SCFD1: variants seen among roughly 807,000 people sequenced by gnomAD.
SCFD1 encodes the protein sec1 family domain-containing protein 1.
SCFD1 carries 37 observed loss-of-function variants against 103.2 expected under a neutral mutation model. That is an observed-to-expected ratio of 0.36 (90% CI 0.28 to 0.47). SCFD1 has a LOEUF of 0.47. Among genes scored for constraint, SCFD1 ranks in the 20% least tolerant of loss-of-function variants. The pLI, the probability that SCFD1 is intolerant of heterozygous loss-of-function variation, is 1.00. For missense variants in SCFD1, 639 were observed against 761.2 expected (o/e 0.84, Z 1.89); for synonymous variants, 264 against 245.0 (o/e 1.08, Z -0.73).
intron 19 of SCFD1, chr14:30,715,568 C>CAA (rs36045306): frequency 3.4e-3 from 343 of 99,614 alleles, no homozygotes; most frequent in East Asian, 9.6e-3. Flanking sequence ...GTCTCCATGT[C>CAA]AAAAAAAAAA....
chr14:30,723,408 TTTTTAAC>T (rs1264390629), intron 23 of SCFD1, among the ~76,000 whole-genome samples: 3 of 152,176 alleles, frequency 2.0e-5, no homozygotes, highest in African/African-American at 7.2e-5. Flanking sequence ...TATTTTTATT[TTTTTAAC>T]TTTTAAGTTC....
chr14:30,660,176 T>A (rs980540707), intron 10 of SCFD1, among the ~76,000 whole-genome samples: 13 of 152,162 alleles, frequency 8.5e-5, no homozygotes, highest in African/African-American at 3.1e-4. Context: ...TCTCAGTTCC[T>A]CCCTCCTCAC....
chr14:30,625,895 G>C (rs1050246871), intron 1 of SCFD1, among the ~76,000 whole-genome samples: 1 of 152,074 alleles, frequency 6.6e-6, no homozygotes, highest in African/African-American at 2.4e-5. Context: ...GCCTAACTGT[G>C]CAGCATACTA....
intron 23 of SCFD1, among the ~76,000 whole-genome samples, chr14:30,727,447 AAGATG>A (rs1049252297): frequency 2.6e-4 from 40 of 152,338 alleles, no homozygotes; most frequent in African/African-American, 9.4e-4. Flanking sequence ...GTTTATCCTC[AAGATG>A]TTGTTATTAG....
intron 23 of SCFD1, among the ~76,000 whole-genome samples, chr14:30,729,173 A>AT (rs1374604874): frequency 6.6e-6 from 1 of 151,952 alleles, no homozygotes; most frequent in African/African-American, 2.4e-5. Context: ...TGATTTCCAG[A>AT]TTTTTTCCCC....
chr14:30,734,416 TAAAG>T (rs1893692915), intron 23 of SCFD1: 1 of 233,160 alleles, frequency 4.3e-6, no homozygotes, highest in African/African-American at 2.2e-5. Context: ...ACTTTCAGCA[TAAAG>T]AAACTCGAAT....
At chr14:30,661,296 A>G (rs1259023120) in intron 10 of SCFD1, among the ~76,000 whole-genome samples, 1 of 152,208 alleles carries the variant, frequency 6.6e-6, no homozygotes, top group Non-Finnish European at 1.5e-5. Flanking sequence ...TGTGAACCAA[A>G]GAAACCAGAT....
intron 15 of SCFD1, 71 bp from the exon 16 acceptor site, chr14:30,700,117 A>T: frequency 9.5e-7 from 1 of 1,054,912 alleles, no homozygotes; most frequent in South Asian, 1.4e-5. Context: ...AATGTAACAT[A>T]CTTGTGTTGA....
intron 10 of SCFD1, among the ~76,000 whole-genome samples, chr14:30,662,831 GA>G (rs746553206): frequency 3.9e-5 from 6 of 152,120 alleles, no homozygotes; most frequent in Admixed American, 6.5e-5. Flanking sequence ...CAAGACTGCT[GA>G]AGGCTTCTAC....
intron 4 of SCFD1, among the ~76,000 whole-genome samples, chr14:30,636,112 G>A (rs1406187901): frequency 2.6e-5 from 4 of 151,954 alleles, no homozygotes; most frequent in Non-Finnish European, 5.9e-5. Flanking sequence ...TTATTGTTGA[G>A]TTGATAGAAT....
chr14:30,648,705 C>A (rs867829757), intron 7 of SCFD1, among the ~76,000 whole-genome samples: 28 of 152,284 alleles, frequency 1.8e-4, no homozygotes, highest in African/African-American at 6.5e-4. Context: ...TGAGCTCAGA[C>A]CAGCCTGGAC....
At chr14:30,661,263 GT>G (rs1887425608) in intron 10 of SCFD1, among the ~76,000 whole-genome samples, 1 of 152,102 alleles carries the variant, frequency 6.6e-6, no homozygotes, top group Non-Finnish European at 1.5e-5. Context: ...CTCTACTCGA[GT>G]TTCGTTTGAG....
chr14:30,707,523 G>A (rs1453394645), intron 18 of SCFD1, among the ~76,000 whole-genome samples: 2 of 152,104 alleles, frequency 1.3e-5, no homozygotes, highest in Admixed American at 1.3e-4. Context: ...AGAGAACACA[G>A]TAATGTTTGA....
Position 30,727,094 on chromosome 14 carries a change from T to TAG in SCFD1, c.1836+4535_1836+4536insAG, listed in dbSNP as rs537757545. On this transcript the variant is annotated intron_variant, in intron 23 of 24. Transcript: ENST00000458591. The stretch of plus-strand genomic sequence containing the variant: ...CTCAGCAAAAGATCAGGGCTATAAG[T>TAG]GTGTAAGCCCACCTAGTTATCCTTT... 5.5e-4 allele frequency among the ~76,000 whole-genome samples: 83 copies of TAG among 152,236 alleles called. 1 individual carries two copies. In the East Asian group the frequency reaches 0.016, roughly 29 times the overall value.
At position 30,708,077 on chromosome 14, in the gene SCFD1, T is replaced by C. The variant is rs748859720; in HGVS notation, c.1629+12T>C. 6.8e-5 allele frequency: 106 copies of C among 1,562,274 alleles called. No individual in the cohort carries two copies. The highest frequency in any genetic ancestry group is 9.2e-5 in the Non-Finnish European group (104 of 1,133,000). On this transcript the variant is annotated intron_variant, in intron 19 of 24. Coordinates refer to ENST00000458591, the MANE Select transcript of SCFD1 (RefSeq NM_016106.4). ...TTTTGAAACAGCAAGTAAGTACACT[T>C]GTTAGAAAACATACTGGTAACTTTT...
intron 20 of SCFD1, among the ~76,000 whole-genome samples, chr14:30,718,984 T>G (rs1892468914): frequency 6.6e-6 from 1 of 152,200 alleles, no homozygotes; most frequent in African/African-American, 2.4e-5. Context: ...ATTAAGAACT[T>G]GGGCATTGAA....
chr14:30,633,540 C>T (rs1453393148), intron 3 of SCFD1, among the ~76,000 whole-genome samples: 3 of 151,806 alleles, frequency 2.0e-5, no homozygotes, highest in East Asian at 3.9e-4. Flanking sequence ...TTCATTGCGT[C>T]CCCTAGCTTT....
chr14:30,733,512 G>C (rs531489553), intron 23 of SCFD1, among the ~76,000 whole-genome samples: 1 of 152,282 alleles, frequency 6.6e-6, no homozygotes, highest in African/African-American at 2.4e-5. Flanking sequence ...GGTGGGGACT[G>C]TACAAGTCAG....
At chr14:30,643,243 T>C (rs1163335442) in intron 6 of SCFD1, 73 bp from the exon 7 acceptor site, 7 of 953,004 alleles carry the variant, frequency 7.3e-6, no homozygotes, top group Non-Finnish European at 1.2e-5. Context: ...AATTTAGTAA[T>C]AATTTTAGGA....
Sources: allele counts gnomAD v4.1 joint callset (sites outside exome capture counted in the v4.1 genomes callset), GRCh38; gene constraint gnomAD v4.1.1; transcripts MANE v1.5; gene names NCBI Gene and HGNC (gene_info 2026-07-23, HGNC 2026-07-21).